The following MAF variants were observed in gnomAD, a reference collection of about 807,000 sequenced individuals.
MAF encodes the protein MAF bZIP transcription factor.
Under a neutral mutation model 22.0 loss-of-function variants are expected in MAF, and 10 were observed. The ratio of observed to expected loss-of-function variants is 0.45; its 90% CI spans 0.28 to 0.77. The LOEUF is 0.77. Among genes scored for constraint, MAF ranks in the 30% least tolerant of loss-of-function variants. MAF has a pLI of 0.12. For missense variants in MAF, 544 were observed against 548.4 expected, an observed-to-expected ratio of 0.99 and a Z score of 0.08; for synonymous variants, 337 against 255.8, an observed-to-expected ratio of 1.32 and a Z score of -3.03.
the MAF span, among the ~76,000 whole-genome samples, chr16:79,365,894 G>A: frequency 6.6e-6 from 1 of 152,210 alleles, no homozygotes; most frequent in Non-Finnish European, 1.5e-5. Flanking sequence ...ACTGGGTTTA[G>A]GAACTCATTA....
the MAF span, among the ~76,000 whole-genome samples, chr16:79,445,611 C>T: frequency 1.3e-5 from 2 of 152,222 alleles, no homozygotes; most frequent in Non-Finnish European, 2.9e-5. Context: ...CTCACAGACC[C>T]TTGCTGGATT....
the MAF span, among the ~76,000 whole-genome samples, chr16:79,431,374 A>G: frequency 6.6e-6 from 1 of 152,170 alleles, no homozygotes; most frequent in Non-Finnish European, 1.5e-5. Context: ...TAACCAAATA[A>G]CATTAAGCAA....
At chr16:79,380,521 A>C in the MAF span, among the ~76,000 whole-genome samples, 3 of 152,236 alleles carry the variant, frequency 2.0e-5, no homozygotes, top group East Asian at 5.8e-4. Context: ...TAATTTTCCC[A>C]CAGCTACCTG....
At chr16:79,321,045 C>T in the MAF span, among the ~76,000 whole-genome samples, 3 of 152,226 alleles carry the variant, frequency 2.0e-5, no homozygotes, top group African/African-American at 7.2e-5. Flanking sequence ...CTTTTGCTCA[C>T]TCACACACTT....
chr16:79,516,004 G>A, the MAF span: 1 of 141,176 alleles, frequency 7.1e-6, no homozygotes, highest in Non-Finnish European at 1.5e-5. Context: ...GGTAAATGAG[G>A]ACCAGAGAGA....
the MAF span, among the ~76,000 whole-genome samples, chr16:79,412,829 C>T: frequency 1.1e-4 from 17 of 152,252 alleles, no homozygotes; most frequent in Admixed American, 9.2e-4. Flanking sequence ...TTCTGGGAGG[C>T]GGCACTAGAG....
At chr16:79,548,282 CTTGA>C in the MAF span, among the ~76,000 whole-genome samples, 1 of 151,984 alleles carries the variant, frequency 6.6e-6, no homozygotes, top group African/African-American at 2.4e-5. Flanking sequence ...CATAAATGTT[CTTGA>C]TTGATGTCTG....
downstream of MAF, among the ~76,000 whole-genome samples, chr16:79,593,058 T>C (rs1567561172): frequency 6.6e-6 from 1 of 152,182 alleles, no homozygotes. Flanking sequence ...TATCTCAGTC[T>C]TTAACTACCG....
At chr16:79,459,409 C>T in the MAF span, among the ~76,000 whole-genome samples, 6 of 152,176 alleles carry the variant, frequency 3.9e-5, no homozygotes, top group South Asian at 2.1e-4. Flanking sequence ...CTGGGAGAGT[C>T]GTATTATGTA....
chr16:79,430,213 T>C, the MAF span, among the ~76,000 whole-genome samples: 1 of 152,264 alleles, frequency 6.6e-6, no homozygotes, highest in Non-Finnish European at 1.5e-5. Flanking sequence ...TTGTTTACAA[T>C]GCAATTAACA....
the MAF span, among the ~76,000 whole-genome samples, chr16:79,265,538 T>C: frequency 1.3e-5 from 2 of 152,242 alleles, no homozygotes; most frequent in African/African-American, 2.4e-5. Flanking sequence ...GAACCCTATA[T>C]ACAGTATATT....
At chr16:79,207,769 A>G in the MAF span, among the ~76,000 whole-genome samples, 1 of 144,762 alleles carries the variant, frequency 6.9e-6, no homozygotes, top group Non-Finnish European at 1.5e-5. Flanking sequence ...AATGCATTAC[A>G]AATATCAATA....
At chr16:79,546,469 T>G in the MAF span, among the ~76,000 whole-genome samples, 152 of 152,340 alleles carry the variant, frequency 1.0e-3, 1 homozygote, top group Middle Eastern at 0.01. Flanking sequence ...AGTGATAAGA[T>G]GGTTTTCAAC....
At chr16:79,208,120 C>G in the MAF span, among the ~76,000 whole-genome samples, 1 of 152,152 alleles carries the variant, frequency 6.6e-6, no homozygotes, top group Non-Finnish European at 1.5e-5. Context: ...CTCTTAATCC[C>G]AAACAAGAGT....
chr16:79,267,789 G>A, the MAF span, among the ~76,000 whole-genome samples: 13 of 152,198 alleles, frequency 8.5e-5, no homozygotes, highest in Non-Finnish European at 1.8e-4. Context: ...CCCAGTAGAT[G>A]TTTATGATGA....
At chr16:79,295,698 C>A in the MAF span, among the ~76,000 whole-genome samples, 2 of 152,330 alleles carry the variant, frequency 1.3e-5, no homozygotes, top group African/African-American at 4.8e-5. Flanking sequence ...GAAGGTGTCA[C>A]AAAGCAGGGT....
chr16:79,314,532 G>A, the MAF span, among the ~76,000 whole-genome samples: 3 of 152,198 alleles, frequency 2.0e-5, no homozygotes. Context: ...CAGACATGGA[G>A]GGGAGAGCAG....
chr16:79,360,057 T>C, the MAF span, among the ~76,000 whole-genome samples: 4 of 152,132 alleles, frequency 2.6e-5, no homozygotes, highest in Admixed American at 6.6e-5. Flanking sequence ...TTCAGGTTCA[T>C]GCAAGGAAGG....
chr16:79,347,114 G>A, the MAF span, among the ~76,000 whole-genome samples: 1 of 152,234 alleles, frequency 6.6e-6, no homozygotes, highest in Non-Finnish European at 1.5e-5. Context: ...AATGCTTCCT[G>A]TTCTTGTGAG....
Sources: gnomAD v4.1 joint callset for allele counts (sites outside exome capture counted in the v4.1 genomes callset) on GRCh38, gnomAD v4.1.1 for gene constraint, MANE v1.5 for transcripts, NCBI Gene and HGNC (gene_info 2026-07-23, HGNC 2026-07-21) for gene names.